The following MYO3A variants were observed in gnomAD, a reference collection of about 807,000 sequenced individuals.
MYO3A encodes the protein myosin-IIIa.
Under a neutral mutation model 192.7 loss-of-function variants are expected in MYO3A, and 180 were observed. The ratio of observed to expected loss-of-function variants is 0.93; its 90% CI spans 0.83 to 1.06. The LOEUF is 1.06. MYO3A is among the 50% of genes least tolerant of loss of function. The pLI is 0.00. For missense variants in MYO3A, 1,896 were observed against 1,905.0 expected (o/e 1.00, Z 0.09); for synonymous variants, 628 against 645.3 (o/e 0.97, Z 0.41).
chr10:26,083,901 G>A (rs548879767), intron 14 of MYO3A, among the ~76,000 whole-genome samples: 82 of 152,100 alleles, frequency 5.4e-4, no homozygotes, highest in Non-Finnish European at 9.7e-4. Context: ...AATGAAAATG[G>A]TGATGCCAAA....
chr10:26,204,879 A>G (rs1221943583), intron 34 of MYO3A, among the ~76,000 whole-genome samples: 1 of 152,202 alleles, frequency 6.6e-6, no homozygotes, highest in Non-Finnish European at 1.5e-5. Flanking sequence ...TTTCTAAACT[A>G]AGGAAGGTTA....
chr10:26,147,765 A>G (rs1367240903), intron 23 of MYO3A, among the ~76,000 whole-genome samples: 1 of 152,174 alleles, frequency 6.6e-6, no homozygotes, highest in Non-Finnish European at 1.5e-5. Context: ...ATTAAAGGTA[A>G]GTGTTTGCAG....
intron 14 of MYO3A, among the ~76,000 whole-genome samples, chr10:26,074,717 T>A (rs2131414048): frequency 6.6e-6 from 1 of 151,474 alleles, no homozygotes; most frequent in South Asian, 2.1e-4. Context: ...GATTGTTTCC[T>A]TTGCCATGCA....
intron 10 of MYO3A, among the ~76,000 whole-genome samples, chr10:26,035,535 T>C (rs1196549521): frequency 6.6e-6 from 1 of 152,208 alleles, no homozygotes; most frequent in East Asian, 1.9e-4. Context: ...TCAGTTCCTG[T>C]CTTTATCATA....
At chr10:26,168,912 C>G in intron 28 of MYO3A, 38 bp downstream of exon 28, 3 of 1,573,038 alleles carry the variant, frequency 1.9e-6, no homozygotes, top group Non-Finnish European at 2.6e-6. Context: ...GTCATAAAAT[C>G]AAATCTTATA....
chr10:26,087,876 G>A (rs1363061814), intron 14 of MYO3A, among the ~76,000 whole-genome samples: 5 of 152,222 alleles, frequency 3.3e-5, no homozygotes, highest in South Asian at 2.1e-4. Context: ...GGGGGCCCAC[G>A]CAGGTGGAGG....
intron 2 of MYO3A, among the ~76,000 whole-genome samples, chr10:25,946,438 T>G (rs1836833177): frequency 6.6e-6 from 1 of 152,174 alleles, no homozygotes; most frequent in South Asian, 2.1e-4. Flanking sequence ...GCTTGCAAGA[T>G]TTCTGCTGGG....
At chr10:25,995,184 T>C (rs1423899730) in intron 4 of MYO3A, among the ~76,000 whole-genome samples, 2 of 152,238 alleles carry the variant, frequency 1.3e-5, no homozygotes, top group African/African-American at 4.8e-5. Context: ...CATAGTCCCA[T>C]GTTTCTTGGA....
intron 30 of MYO3A, among the ~76,000 whole-genome samples, 175 bp downstream of exon 30, chr10:26,174,732 C>G (rs916918164): frequency 2.0e-5 from 3 of 152,048 alleles, no homozygotes; most frequent in African/African-American, 7.2e-5. Flanking sequence ...GAACTTTTAA[C>G]CCAATTTACC....
intron 6 of MYO3A, among the ~76,000 whole-genome samples, chr10:26,008,830 G>A (rs1376729859): frequency 1.3e-5 from 2 of 151,904 alleles, no homozygotes; most frequent in Non-Finnish European, 2.9e-5. Flanking sequence ...CGATTCCTCA[G>A]GGATCTAGAA....
Position 25,996,523 on chromosome 10 carries a change from A to G in MYO3A, c.337A>G (p.Lys113Glu), listed in dbSNP as rs766641452. The change falls in exon 5 of 35, where the codon AAA becomes GAA. Residue 113 changes from lysine (K) to glutamate (E), a missense_variant. Lys to Glu is a moderately conservative substitution (Grantham distance 56). Transcript: ENST00000642920. ...TGGAGGATCAGTGACTGACCTTGTG[A>G]AAGGATTTCTGAAGAGGGGTGAAAG... ...CSGGSVTDLV[K>E]GFLKRGERMS... 1 of 1,613,880 alleles carries G rather than the reference A, an allele frequency of 6.2e-7. No homozygotes were observed. The highest frequency in any genetic ancestry group is 1.1e-5 in the South Asian group (1 of 91,076).
intron 4 of MYO3A, among the ~76,000 whole-genome samples, chr10:25,980,005 G>A (rs1201160948): frequency 3.3e-5 from 5 of 152,216 alleles, no homozygotes; most frequent in Non-Finnish European, 5.9e-5. Flanking sequence ...GGGAGGCCAA[G>A]GCGGGTGGAT....
At chr10:26,126,215 C>T (rs1333077136) in intron 19 of MYO3A, among the ~76,000 whole-genome samples, 1 of 152,106 alleles carries the variant, frequency 6.6e-6, no homozygotes, top group Admixed American at 6.6e-5. Context: ...ACTGAGTGCT[C>T]TCTATAGGCA....
At chr10:26,046,437 C>T (rs958568600) in intron 10 of MYO3A, among the ~76,000 whole-genome samples, 5 of 152,268 alleles carry the variant, frequency 3.3e-5, no homozygotes, top group Admixed American at 1.3e-4. Context: ...ACACTGGTGG[C>T]CCATGTTGTA....
At chr10:25,992,465 A>G (rs1165146570) in intron 4 of MYO3A, among the ~76,000 whole-genome samples, 1 of 152,252 alleles carries the variant, frequency 6.6e-6, no homozygotes, top group Non-Finnish European at 1.5e-5. Flanking sequence ...AACAGGGACA[A>G]TTTGACTTCT....
intron 32 of MYO3A, among the ~76,000 whole-genome samples, chr10:26,196,610 T>C (rs1277126365): frequency 6.6e-6 from 1 of 152,228 alleles, no homozygotes; most frequent in East Asian, 1.9e-4. Context: ...TTTGAGGCAT[T>C]ACACATAGTG....
At chr10:25,961,749 T>A (rs1332838455) in intron 4 of MYO3A, among the ~76,000 whole-genome samples, 1 of 152,174 alleles carries the variant, frequency 6.6e-6, no homozygotes. Flanking sequence ...GATGTACAAT[T>A]ACCTGATTTA....
intron 4 of MYO3A, among the ~76,000 whole-genome samples, chr10:25,988,586 C>A (rs192636083): frequency 1.3e-5 from 2 of 152,204 alleles, no homozygotes; most frequent in Admixed American, 1.3e-4. Flanking sequence ...TCTCTTTGTA[C>A]TTACCCAAGA....
At chr10:25,994,852 G>T (rs187075728) in intron 4 of MYO3A, among the ~76,000 whole-genome samples, 17 of 152,248 alleles carry the variant, frequency 1.1e-4, no homozygotes, top group Admixed American at 1.1e-3. Flanking sequence ...CTCTTTTCTG[G>T]CTTGTAGAGT....
Sources: gnomAD v4.1 joint callset for allele counts (sites outside exome capture counted in the v4.1 genomes callset) on GRCh38, gnomAD v4.1.1 for gene constraint, MANE v1.5 for transcripts, NCBI Gene and HGNC (gene_info 2026-07-23, HGNC 2026-07-21) for gene names.